SCFD2: variants seen among roughly 807,000 people sequenced by gnomAD.
SCFD2 encodes the protein sec1 family domain containing 2.
Under a neutral mutation model 58.9 loss-of-function variants are expected in SCFD2, and 54 were observed. That is an observed-to-expected ratio of 0.92 (90% CI 0.74 to 1.15). The LOEUF is 1.15. Among genes scored for constraint, SCFD2 ranks in the 50% most tolerant of loss-of-function variants. The pLI is 0.00. For missense variants in SCFD2, 805 were observed against 836.6 expected (o/e 0.96, Z 0.47); for synonymous variants, 321 against 335.9 (o/e 0.96, Z 0.49).
intron 5 of SCFD2, among the ~76,000 whole-genome samples, chr4:53,135,971 T>C (rs1459352026): frequency 6.6e-6 from 1 of 152,198 alleles, no homozygotes; most frequent in Non-Finnish European, 1.5e-5. Flanking sequence ...AGACACAATA[T>C]AATTATGCTT....
chr4:52,915,372 C>G (rs1226173743), intron 6 of SCFD2, among the ~76,000 whole-genome samples: 1 of 152,174 alleles, frequency 6.6e-6, no homozygotes, highest in Non-Finnish European at 1.5e-5. Context: ...ACCAGCCTCT[C>G]AGAAAAACCA....
At chr4:53,108,780 C>G (rs1489175787) in intron 5 of SCFD2, among the ~76,000 whole-genome samples, 1 of 152,124 alleles carries the variant, frequency 6.6e-6, no homozygotes, top group African/African-American at 2.4e-5. Context: ...CTGAATTCTA[C>G]CAGAGGTACA....
At chr4:53,045,730 A>T (rs1474945334) in intron 5 of SCFD2, among the ~76,000 whole-genome samples, 1 of 152,174 alleles carries the variant, frequency 6.6e-6, no homozygotes, top group Non-Finnish European at 1.5e-5. Flanking sequence ...AAAAATGCTT[A>T]TTTGATGACT....
At chr4:53,075,453 GCTAA>G (rs1723945607) in intron 5 of SCFD2, among the ~76,000 whole-genome samples, 1 of 152,266 alleles carries the variant, frequency 6.6e-6, no homozygotes, top group East Asian at 1.9e-4. Flanking sequence ...TCACAACTTG[GCTAA>G]CTATTTGGTG....
chr4:52,954,643 A>G (rs904953155), intron 5 of SCFD2, among the ~76,000 whole-genome samples: 19 of 152,240 alleles, frequency 1.2e-4, no homozygotes, highest in African/African-American at 4.6e-4. Context: ...GCAGTCTAGG[A>G]AAAATCATAA....
intron 3 of SCFD2, among the ~76,000 whole-genome samples, chr4:53,286,355 G>A (rs1731668761): frequency 6.6e-6 from 1 of 152,094 alleles, no homozygotes; most frequent in Admixed American, 6.5e-5. Context: ...CAGCTCCTCA[G>A]GGACACAAAG....
rs555054284 is a variant in SCFD2 at position 53,192,390 on chromosome 4, G to A, written c.1312-46808C>T. On this transcript the variant is annotated intron_variant, in intron 4 of 8. Coordinates refer to ENST00000401642, the MANE Select transcript of SCFD2 (RefSeq NM_152540.4). ...CATTAAACTCTTAACTCCTTCTGCC[G>A]TAGATTTAAATCCTACTGCAGAGTA... 2.0e-5 allele frequency among the ~76,000 whole-genome samples: 3 copies of A among 152,208 alleles called. No individual in the cohort carries two copies. The East Asian group carries it at 5.8e-4, about 29-fold the overall frequency.
intron 4 of SCFD2, among the ~76,000 whole-genome samples, chr4:53,183,850 A>G (rs1727658822): frequency 6.6e-6 from 1 of 152,098 alleles, no homozygotes; most frequent in African/African-American, 2.4e-5. Context: ...TTCTTCATTC[A>G]AAAGTGTCCT....
At chr4:53,290,089 A>C (rs1019129038) in intron 3 of SCFD2, among the ~76,000 whole-genome samples, 10 of 152,312 alleles carry the variant, frequency 6.6e-5, no homozygotes, top group African/African-American at 2.4e-4. Context: ...ATTAATAAGG[A>C]AATACTGGAC....
At chr4:53,150,902 G>A (rs1203582969) in intron 4 of SCFD2, among the ~76,000 whole-genome samples, 1 of 152,126 alleles carries the variant, frequency 6.6e-6, no homozygotes, top group East Asian at 1.9e-4. Context: ...GCTAATTTGG[G>A]GAAAGTACTT....
At chr4:53,210,399 T>C (rs1014715393) in intron 4 of SCFD2, among the ~76,000 whole-genome samples, 2 of 152,122 alleles carry the variant, frequency 1.3e-5, no homozygotes, top group African/African-American at 2.4e-5. Flanking sequence ...ATTTTCATAA[T>C]AATACTAAGT....
intron 5 of SCFD2, among the ~76,000 whole-genome samples, chr4:52,999,671 T>C (rs887492452): frequency 2.0e-5 from 3 of 152,222 alleles, no homozygotes; most frequent in Non-Finnish European, 4.4e-5. Context: ...AAATACTGTT[T>C]GACATTCTCG....
intron 8 of SCFD2, among the ~76,000 whole-genome samples, chr4:52,879,112 C>T (rs575717978): frequency 3.3e-5 from 5 of 152,256 alleles, no homozygotes; most frequent in Admixed American, 3.3e-4. Flanking sequence ...CTCCTAGCCA[C>T]CCCACTTTCA....
At chr4:53,057,312 T>C (rs1281627396) in intron 5 of SCFD2, among the ~76,000 whole-genome samples, 1 of 152,036 alleles carries the variant, frequency 6.6e-6, no homozygotes, top group Admixed American at 6.5e-5. Flanking sequence ...ATATATACCA[T>C]GGAATACTAT....
chr4:53,222,021 G>C (rs1193813591), intron 4 of SCFD2, among the ~76,000 whole-genome samples: 1 of 152,208 alleles, frequency 6.6e-6, no homozygotes, highest in African/African-American at 2.4e-5. Flanking sequence ...GTACCAGACA[G>C]GTTCCTGGCC....
At chr4:53,109,206 A>C (rs1277435172) in intron 5 of SCFD2, among the ~76,000 whole-genome samples, 1 of 151,992 alleles carries the variant, frequency 6.6e-6, no homozygotes, top group Non-Finnish European at 1.5e-5. Context: ...AGGTATTGAT[A>C]AAAAGTATCT....
rs573620448 is a variant in SCFD2, at chr4:52,987,776, T to C, written c.1562-66906A>G. 7.9e-5 allele frequency among the ~76,000 whole-genome samples: 12 copies of C among 152,344 alleles called. 1 individual carries two copies. In the South Asian group the frequency reaches 2.3e-3, roughly 29 times the overall value. On this transcript the variant is annotated intron_variant, in intron 5 of 8. Transcript: ENST00000401642. Reference sequence around the variant, plus strand: ...TTTACATTGTTAACTGAGATGGCAATGGTACACACAACTATTCTGCTATCC... The same window carrying C: ...TTTACATTGTTAACTGAGATGGCAACGGTACACACAACTATTCTGCTATCC...
At chr4:53,050,196 T>G (rs1003657089) in intron 5 of SCFD2, among the ~76,000 whole-genome samples, 2 of 152,188 alleles carry the variant, frequency 1.3e-5, no homozygotes, top group African/African-American at 4.8e-5. Flanking sequence ...AAAAACACCT[T>G]TAAGTACTTA....
At chr4:53,075,788 AGATCACT>A in intron 5 of SCFD2, among the ~76,000 whole-genome samples, 1 of 152,326 alleles carries the variant, frequency 6.6e-6, no homozygotes, top group South Asian at 2.1e-4. Context: ...GTAACAAAAA[AGATCACT>A]GATCACAGAT....
Sources: allele counts gnomAD v4.1 joint callset (sites outside exome capture counted in the v4.1 genomes callset), GRCh38; gene constraint gnomAD v4.1.1; transcripts MANE v1.5; gene names NCBI Gene and HGNC (gene_info 2026-07-23, HGNC 2026-07-21).